PCDHA11: variants seen among roughly 807,000 people sequenced by gnomAD.
PCDHA11 encodes protocadherin alpha-11.
In PCDHA11, 61 loss-of-function variants were observed where a neutral mutation model predicts 70.3. The observed-to-expected ratio is 0.87, with a 90% CI of 0.71 to 1.07. The LOEUF is 1.07. PCDHA11 is among the 50% of genes least tolerant of loss of function. PCDHA11 has a pLI of 0.00. For synonymous variants in PCDHA11, 633 were observed against 555.1 expected (o/e 1.14, Z -1.97); for missense variants, 1,324 against 1,237.5 (o/e 1.07, Z -1.05).
At chr5:140,970,791 T>A (rs2096434096) in intron 1 of PCDHA11, among the ~76,000 whole-genome samples, 2 of 152,210 alleles carry the variant, frequency 1.3e-5, no homozygotes, top group South Asian at 2.1e-4. Flanking sequence ...GTATGTAATA[T>A]CCATATTGTT....
rs148596731 is a variant in PCDHA11 at position 141,000,361 on chromosome 5, GTCTCTCTCTCTC to G, written c.2540-9242_2540-9231del. Among the ~76,000 whole-genome samples, 60 of 26,440 alleles carry G rather than the reference GTCTCTCTCTCTC, an allele frequency of 2.3e-3. 1 individual carries two copies. Among genetic ancestry groups the G allele is most frequent in the Admixed American group, 5.8e-3 (10 of 1,730 alleles). The allele number at this position is 26,440 out of a possible 152,430, so 17.3% of individuals were successfully genotyped here. On this transcript the variant is annotated intron_variant, in intron 3 of 3. Transcript: ENST00000398640. ...CCTATCTCTCTCTCTGTCTCTCTCT[GTCTCTCTCTCTC>G]TCTCTCTCTCTCTCTCTCTCTCTAT...
At chr5:140,938,251 A>C (rs1015321564) in intron 1 of PCDHA11, among the ~76,000 whole-genome samples, 4 of 152,176 alleles carry the variant, frequency 2.6e-5, no homozygotes, top group Non-Finnish European at 5.9e-5. Context: ...TGGTCTTTTA[A>C]AAACTTTCTA....
At chr5:140,886,605 A>G (rs998772471) in intron 1 of PCDHA11, among the ~76,000 whole-genome samples, 2 of 152,108 alleles carry the variant, frequency 1.3e-5, no homozygotes, top group Non-Finnish European at 2.9e-5. Flanking sequence ...AGGTGGGCGG[A>G]TCAGGAGATC....
chr5:140,897,037 AC>A (rs1300892291), intron 1 of PCDHA11, among the ~76,000 whole-genome samples: 1 of 152,074 alleles, frequency 6.6e-6, no homozygotes, highest in Non-Finnish European at 1.5e-5. Flanking sequence ...GACCATAGTC[AC>A]CCTATTCTGC....
At position 140,947,043 on chromosome 5, in the gene PCDHA11, G is replaced by T. The variant is rs188994500; in HGVS notation, c.2392-31906G>T. Among the ~76,000 whole-genome samples the T allele has an allele frequency of 1.7e-3, 259 of 151,702 alleles. 2 individuals carry two copies. Among genetic ancestry groups the T allele is most frequent in the African/African-American group, 5.9e-3 (243 of 41,466 alleles). On this transcript the variant is annotated intron_variant, in intron 1 of 3. Transcript: ENST00000398640. ...AGGTAATGGATATACTAATTACCCT[G>T]ATTTGATCATTACACAGTGTATATA... is the stretch of plus-strand genomic sequence containing the variant.
intron 3 of PCDHA11, among the ~76,000 whole-genome samples, chr5:140,985,392 C>T (rs1329580146): frequency 6.6e-6 from 1 of 152,172 alleles, no homozygotes; most frequent in Non-Finnish European, 1.5e-5. Context: ...CCAGTCACCC[C>T]AACTGTTCCC....
At chr5:140,969,821 T>C (rs1358078633) in intron 1 of PCDHA11, among the ~76,000 whole-genome samples, 3 of 152,250 alleles carry the variant, frequency 2.0e-5, no homozygotes, top group Non-Finnish European at 4.4e-5. Flanking sequence ...TACTCTGGAC[T>C]GTCTACAGTG....
intron 3 of PCDHA11, among the ~76,000 whole-genome samples, chr5:140,987,254 T>C (rs1358606591): frequency 1.3e-5 from 2 of 151,878 alleles, no homozygotes; most frequent in Non-Finnish European, 1.5e-5. Flanking sequence ...AAAGACATTC[T>C]CAGGAATGGG....
At position 140,870,600 on chromosome 5, in the gene PCDHA11, C is replaced by T. The variant is rs2052205241; in HGVS notation, c.1497C>T (p.Gly499=). The T allele has an allele frequency of 6.2e-7, 1 of 1,613,338 alleles. No individual in the cohort carries two copies. Residue 499 remains glycine, a synonymous_variant, in exon 1 of 4, where the codon GGC becomes GGT. Transcript: ENST00000398640. ...ACTCGCTGGTGGAGCGGCGGTTGGG[C>T]GACCGCGCGCTGTCGAGCTACGTGT... ...VSYSLVERRL[G]DRALSSYVSV...
At chr5:140,974,856 C>G (rs2096643713) in intron 1 of PCDHA11, among the ~76,000 whole-genome samples, 1 of 152,104 alleles carries the variant, frequency 6.6e-6, no homozygotes, top group African/African-American at 2.4e-5. Context: ...TTCCCTTTTG[C>G]CTTAATGCGG....
At chr5:140,927,189 G>T in intron 1 of PCDHA11, 1 of 1,614,150 alleles carries the variant, frequency 6.2e-7, no homozygotes. Flanking sequence ...CCTACGACCT[G>T]GTGCTCGAGG....
At chr5:140,877,010 A>T (rs1177640704) in intron 1 of PCDHA11, 2 of 1,612,296 alleles carry the variant, frequency 1.2e-6, no homozygotes, top group African/African-American at 2.7e-5. Context: ...GTGCACGCGG[A>T]GAGCGGCAAG....
chr5:141,002,261 C>A (rs373363788), intron 3 of PCDHA11, among the ~76,000 whole-genome samples: 1 of 152,224 alleles, frequency 6.6e-6, no homozygotes, highest in East Asian at 1.9e-4. Context: ...CACTGAAATC[C>A]CAGAGCTGGT....
At chr5:140,986,141 G>C (rs1473474920) in intron 3 of PCDHA11, among the ~76,000 whole-genome samples, 2 of 152,138 alleles carry the variant, frequency 1.3e-5, no homozygotes, top group African/African-American at 2.4e-5. Context: ...ATCAACAAGG[G>C]CATCACCAAG....
chr5:140,870,507 A>C lies in PCDHA11; in HGVS notation c.1404A>C (p.Pro468=), dbSNP rs782584168. The change falls in exon 1 of 4, where the codon CCA becomes CCC. Residue 468 remains proline (P), a synonymous_variant. Coordinates refer to ENST00000398640, the MANE Select transcript of PCDHA11 (RefSeq NM_018902.5). ...EYTVFVKENN[P]PGCHIFTVSA... is the part of the protein sequence containing the mutation. ...CCGTGTTCGTGAAGGAGAACAACCC[A>C]CCAGGCTGCCACATCTTCACAGTGT... 1 of 1,614,128 alleles carries C rather than the reference A, an allele frequency of 6.2e-7. No homozygotes were observed. The highest frequency in any genetic ancestry group is 8.5e-7 in the Non-Finnish European group (1 of 1,180,034).
At chr5:140,916,417 A>G (rs2077566178) in intron 1 of PCDHA11, among the ~76,000 whole-genome samples, 1 of 152,246 alleles carries the variant, frequency 6.6e-6, no homozygotes. Flanking sequence ...AAGTCAGCAC[A>G]TCTCAGAACC....
intron 3 of PCDHA11, among the ~76,000 whole-genome samples, chr5:140,989,753 A>G (rs1349273749): frequency 6.6e-6 from 1 of 152,224 alleles, no homozygotes; most frequent in Admixed American, 6.5e-5. Context: ...ATCTGGAGAA[A>G]CATATTCAGT....
At chr5:140,968,715 A>T (rs2096265469) in intron 1 of PCDHA11, 1 of 1,614,014 alleles carries the variant, frequency 6.2e-7, no homozygotes, top group South Asian at 1.1e-5. Flanking sequence ...AAGATGGGAG[A>T]TGAGAGTGGT....
intron 3 of PCDHA11, among the ~76,000 whole-genome samples, chr5:140,996,673 T>C (rs2097737293): frequency 6.6e-6 from 1 of 152,200 alleles, no homozygotes; most frequent in African/African-American, 2.4e-5. Context: ...TTTTGAACCA[T>C]GTTGGGCTAG....
Sources: allele counts gnomAD v4.1 joint callset (sites outside exome capture counted in the v4.1 genomes callset), GRCh38; gene constraint gnomAD v4.1.1; transcripts MANE v1.5; gene names NCBI Gene and HGNC (gene_info 2026-07-23, HGNC 2026-07-21).